SHANK2: variants seen among roughly 807,000 people sequenced by gnomAD.
The protein encoded by SHANK2 is SH3 and multiple ankyrin repeat domains protein 2.
SHANK2 carries 43 observed loss-of-function variants against 133.7 expected under a neutral mutation model. The ratio of observed to expected loss-of-function variants is 0.32; its 90% CI spans 0.25 to 0.41. The LOEUF (loss-of-function observed/expected upper bound fraction) is 0.41. SHANK2 is among the 10% of genes least tolerant of loss of function. The pLI is 1.00. For synonymous variants in SHANK2, 1,017 were observed against 952.8 expected (o/e 1.07, Z -1.24); for missense variants, 1,994 against 2,235.8 (o/e 0.89, Z 2.18).
At chr11:70,769,245 T>C (rs1947192123) in intron 14 of SHANK2, among the ~76,000 whole-genome samples, 1 of 152,196 alleles carries the variant, frequency 6.6e-6, no homozygotes, top group African/African-American at 2.4e-5. Context: ...CCCGTGCTCC[T>C]GGCAGTAAGT....
At chr11:70,858,728 A>G (rs1283202984) in intron 11 of SHANK2, among the ~76,000 whole-genome samples, 1 of 152,240 alleles carries the variant, frequency 6.6e-6, no homozygotes, top group African/African-American at 2.4e-5. Context: ...CATGAGGCTC[A>G]AGGGACTTGG....
rs567323377 is a variant in SHANK2, at chr11:70,943,542, G to T, written c.1108-46975C>A. ...ATTTAGGGCACAGCAAACTCATGGG[G>T]TGAGCAGGTGGCAATACCCCTGGGC... On this transcript the variant is annotated intron_variant, in intron 10 of 25. Transcript: ENST00000601538. 9.9e-5 allele frequency among the ~76,000 whole-genome samples: 15 copies of T among 152,218 alleles called. No homozygotes were observed. In the East Asian group the frequency reaches 2.9e-3, roughly 29 times the overall value.
chr11:71,147,060 C>T (rs1474642593), intron 3 of SHANK2, 60 bp downstream of exon 3: 5 of 1,409,550 alleles, frequency 3.5e-6, no homozygotes, highest in South Asian at 2.7e-5. Flanking sequence ...AGGCCTCTGG[C>T]GTTCAAGCCA....
chr11:71,194,667 A>C (rs1209663758), intron 2 of SHANK2, among the ~76,000 whole-genome samples: 2 of 152,218 alleles, frequency 1.3e-5, no homozygotes, highest in Admixed American at 6.5e-5. Context: ...AAGTAATTAA[A>C]ATGTCTAAAG....
chr11:71,168,565 G>A (rs1382677310), intron 2 of SHANK2, among the ~76,000 whole-genome samples: 2 of 152,140 alleles, frequency 1.3e-5, no homozygotes, highest in African/African-American at 4.8e-5. Context: ...GACTCCGTCT[G>A]CAATCCCGGC....
chr11:70,545,611 C>T (rs1381129761), intron 17 of SHANK2, among the ~76,000 whole-genome samples: 6 of 152,248 alleles, frequency 3.9e-5, no homozygotes, highest in African/African-American at 7.2e-5. Context: ...CGCCTGCACA[C>T]GGTAATTGCT....
intron 10 of SHANK2, chr11:70,951,129 C>A: frequency 5.9e-6 from 2 of 340,982 alleles, no homozygotes; most frequent in South Asian, 4.3e-5. Context: ...GTCATAAATT[C>A]ATTTCCCCTG....
intron 2 of SHANK2, among the ~76,000 whole-genome samples, chr11:71,217,924 C>A (rs146575650): frequency 7.2e-5 from 11 of 152,298 alleles, no homozygotes; most frequent in African/African-American, 2.6e-4. Flanking sequence ...GTTCTTGGCT[C>A]ACTGCCAACT....
chr11:70,877,488 G>T (rs570691889), intron 11 of SHANK2, among the ~76,000 whole-genome samples: 5 of 152,342 alleles, frequency 3.3e-5, no homozygotes, highest in African/African-American at 1.2e-4. Flanking sequence ...ATTTCAGGGA[G>T]AGATCCCGGC....
chr11:70,722,301 G>A (rs1295810895), intron 14 of SHANK2, among the ~76,000 whole-genome samples: 1 of 152,228 alleles, frequency 6.6e-6, no homozygotes, highest in Admixed American at 6.5e-5. Context: ...TGGCCACTGA[G>A]GAATGTCAAT....
chr11:70,884,597 T>C (rs968208169), intron 11 of SHANK2, among the ~76,000 whole-genome samples: 2 of 152,208 alleles, frequency 1.3e-5, no homozygotes, highest in African/African-American at 2.4e-5. Context: ...GGAATGACCA[T>C]TGAAACTGCA....
intron 14 of SHANK2, among the ~76,000 whole-genome samples, chr11:70,736,527 G>A (rs1271995523): frequency 1.1e-4 from 16 of 152,288 alleles, no homozygotes; most frequent in East Asian, 9.7e-4. Context: ...CAGAGGCAGA[G>A]ATGGGGAAAT....
chr11:70,636,532 T>G (rs2061091241), intron 17 of SHANK2, among the ~76,000 whole-genome samples: 2 of 149,796 alleles, frequency 1.3e-5, no homozygotes, highest in Non-Finnish European at 2.9e-5. Flanking sequence ...TGAATATGTG[T>G]GAGCATGTGT....
intron 17 of SHANK2, among the ~76,000 whole-genome samples, chr11:70,506,722 C>G (rs1235448584): frequency 1.3e-5 from 2 of 152,138 alleles, no homozygotes; most frequent in African/African-American, 4.8e-5. Flanking sequence ...GAGCCCTGGT[C>G]CTGGTGGGCC....
intron 10 of SHANK2, among the ~76,000 whole-genome samples, chr11:70,901,496 C>G (rs1444488844): frequency 2.6e-5 from 4 of 152,182 alleles, no homozygotes; most frequent in African/African-American, 7.2e-5. Context: ...GGAGGGGAGC[C>G]AGTGAAGAAA....
chr11:70,524,294 C>T (rs778308538), intron 17 of SHANK2, among the ~76,000 whole-genome samples: 10 of 152,208 alleles, frequency 6.6e-5, no homozygotes, highest in East Asian at 1.9e-4. Context: ...GCAGCTGTGT[C>T]GCTCACATCC....
At chr11:70,868,863 G>A (rs1949414680) in intron 11 of SHANK2, among the ~76,000 whole-genome samples, 1 of 152,224 alleles carries the variant, frequency 6.6e-6, no homozygotes, top group East Asian at 1.9e-4. Flanking sequence ...GGATGTTGGG[G>A]GAGGGCGTCC....
At chr11:70,954,798 G>A (rs148589370) in intron 10 of SHANK2, among the ~76,000 whole-genome samples, 63 of 152,288 alleles carry the variant, frequency 4.1e-4, no homozygotes, top group Admixed American at 8.5e-4. Context: ...TTCTGGCTTC[G>A]GCCTTTCTCC....
chr11:70,655,008 A>T (rs1207299688), intron 17 of SHANK2, among the ~76,000 whole-genome samples: 1 of 152,044 alleles, frequency 6.6e-6, no homozygotes, highest in Non-Finnish European at 1.5e-5. Context: ...ACCTCAGGTG[A>T]TCCACCCGTC....
Sources: gnomAD v4.1 joint callset for allele counts (sites outside exome capture counted in the v4.1 genomes callset) on GRCh38, gnomAD v4.1.1 for gene constraint, MANE v1.5 for transcripts, NCBI Gene and HGNC (gene_info 2026-07-23, HGNC 2026-07-21) for gene names.